CFAP61: variants seen among roughly 807,000 people sequenced by gnomAD.
CFAP61 encodes cilia- and flagella-associated protein 61.
CFAP61 carries 107 observed loss-of-function variants against 135.6 expected under a neutral mutation model. The observed-to-expected ratio is 0.79, with a 90% confidence interval of 0.67 to 0.93. The LOEUF (loss-of-function observed/expected upper bound fraction) is 0.93. CFAP61 is among the 40% of genes least tolerant of loss of function. The probability of loss-of-function intolerance (pLI) is 0.00; values close to 1 mark genes in which losing one functional copy is unlikely to be tolerated. For synonymous variants in CFAP61, 575 were observed against 578.5 expected (o/e 0.99, Z 0.09); for missense variants, 1,507 against 1,556.2 (o/e 0.97, Z 0.53).
intron 6 of CFAP61, among the ~76,000 whole-genome samples, chr20:20,086,437 G>A (rs2046810257): frequency 6.6e-6 from 1 of 150,550 alleles, no homozygotes; most frequent in East Asian, 2.0e-4. Flanking sequence ...TTGTCCTTGA[G>A]ATAGTTTGCT....
Position 20,196,557 on chromosome 20 carries a change from G to A in CFAP61, c.1591-13G>A. On this transcript the variant is annotated splice_polypyrimidine_tract_variant and intron_variant, in intron 15 of 26. Coordinates refer to ENST00000245957, the MANE Select transcript of CFAP61 (RefSeq NM_015585.4). ...AATGCTTGTAGAAACCATCCCTTCT[G>A]TCTCTTCTGTAGGACATTGAGTACA... is the stretch of plus-strand genomic sequence containing the variant. 1.3e-6 allele frequency: 2 copies of A among 1,592,070 alleles called. No individual in the cohort carries two copies. Among genetic ancestry groups the A allele is most frequent in the Non-Finnish European group, 1.7e-6 (2 of 1,160,052 alleles).
chr20:20,085,989 C>T (rs1319073636), intron 6 of CFAP61, among the ~76,000 whole-genome samples: 1 of 152,142 alleles, frequency 6.6e-6, no homozygotes, highest in Admixed American at 6.5e-5. Context: ...TGCCAAGGTT[C>T]TGAGGGCTCA....
At chr20:20,355,903 AGGT>A (rs1446617222) in intron 26 of CFAP61, among the ~76,000 whole-genome samples, 2 of 119,516 alleles carry the variant, frequency 1.7e-5, no homozygotes, top group African/African-American at 7.0e-5. Flanking sequence ...CTGTGAGGGG[AGGT>A]GGTCACACTG....
intron 25 of CFAP61, among the ~76,000 whole-genome samples, chr20:20,299,057 G>C (rs1233777187): frequency 6.6e-6 from 1 of 152,230 alleles, no homozygotes; most frequent in Admixed American, 6.5e-5. Flanking sequence ...CCCAGCACCA[G>C]AGACAGATGT....
At chr20:20,352,529 C>T (rs560287289) in intron 26 of CFAP61, among the ~76,000 whole-genome samples, 1 of 152,222 alleles carries the variant, frequency 6.6e-6, no homozygotes, top group Middle Eastern at 3.4e-3. Context: ...ATAAATAAAC[C>T]TACACATTTA....
At chr20:20,229,531 A>G (rs1396651825) in intron 18 of CFAP61, among the ~76,000 whole-genome samples, 1 of 152,158 alleles carries the variant, frequency 6.6e-6, no homozygotes, top group African/African-American at 2.4e-5. Context: ...TCTGGAAGCC[A>G]GCAGAGTTCT....
intron 8 of CFAP61, among the ~76,000 whole-genome samples, chr20:20,126,051 T>A (rs1026177278): frequency 1.3e-5 from 2 of 151,784 alleles, no homozygotes; most frequent in Non-Finnish European, 2.9e-5. Flanking sequence ...GCTTTTGGTG[T>A]CCATTTGCAT....
intron 8 of CFAP61, among the ~76,000 whole-genome samples, chr20:20,110,063 T>C (rs1028214824): frequency 1.3e-5 from 2 of 152,052 alleles, no homozygotes; most frequent in Middle Eastern, 3.2e-3. Flanking sequence ...TGCACTACCA[T>C]GCCTGGCTAA....
intron 17 of CFAP61, among the ~76,000 whole-genome samples, chr20:20,227,330 C>T (rs2048810415): frequency 1.3e-5 from 2 of 152,214 alleles, no homozygotes; most frequent in African/African-American, 2.4e-5. Flanking sequence ...TATCTTTCCA[C>T]TGACTTCTGG....
At chr20:20,267,341 C>G (rs1367940512) in intron 21 of CFAP61, among the ~76,000 whole-genome samples, 1 of 152,220 alleles carries the variant, frequency 6.6e-6, no homozygotes, top group Non-Finnish European at 1.5e-5. Context: ...GCCGCAAGCA[C>G]CCAGCCACGT....
intron 17 of CFAP61, chr20:20,220,075 A>G (rs2048297950): frequency 6.6e-6 from 1 of 152,444 alleles, no homozygotes; most frequent in Non-Finnish European, 1.5e-5. Context: ...GGTTGCCAGG[A>G]GAACCAACCA....
chr20:20,088,873 A>G (rs1600556830), intron 6 of CFAP61, among the ~76,000 whole-genome samples: 1 of 152,196 alleles, frequency 6.6e-6, no homozygotes, highest in South Asian at 2.1e-4. Context: ...AAAAACCAGC[A>G]TCATTTCAAC....
chr20:20,075,138 G>A (rs1397277433), intron 4 of CFAP61, 51 bp from the exon 5 acceptor site: 1 of 1,549,030 alleles, frequency 6.5e-7, no homozygotes, highest in Non-Finnish European at 8.9e-7. Context: ...AGTGCCAGCT[G>A]ATGGGATTGC....
intron 8 of CFAP61, among the ~76,000 whole-genome samples, chr20:20,118,253 G>GTTCCTTCCTTTCTTTCTTTC (rs1201152599): frequency 3.6e-5 from 5 of 138,610 alleles, no homozygotes; most frequent in South Asian, 2.4e-4. Flanking sequence ...TTTGAGGTAT[G>GTTCCTTCCTTTCTTTCTTTC]TTTCTTTCTT....
At chr20:20,233,725 T>C (rs921139775) in intron 18 of CFAP61, among the ~76,000 whole-genome samples, 2 of 152,204 alleles carry the variant, frequency 1.3e-5, no homozygotes, top group Non-Finnish European at 2.9e-5. Context: ...AATATTTAAA[T>C]GTAATTAATG....
In CFAP61 at chr20:20,351,511, G is replaced by A. The variant is rs368248819; in HGVS notation, c.3514-8699G>A. ...GCAGGAGAATCTCTTGAACCCAGGAGGCGGAGATTGCAGTGAGCCGAGATC... is the reference window on the plus strand; with the variant it reads ...GCAGGAGAATCTCTTGAACCCAGGAAGCGGAGATTGCAGTGAGCCGAGATC... On this transcript the variant is annotated intron_variant, in intron 26 of 26. Transcript: ENST00000245957. Among the ~76,000 whole-genome samples the A allele has an allele frequency of 3.8e-3, 580 of 152,022 alleles. 4 individuals carry two copies. Among genetic ancestry groups the A allele is most frequent in the African/African-American group, 0.013 (558 of 41,442 alleles).
intron 8 of CFAP61, 59 bp downstream of exon 8, chr20:20,098,873 C>A: frequency 6.9e-7 from 1 of 1,449,980 alleles, no homozygotes; most frequent in Non-Finnish European, 9.4e-7. Flanking sequence ...ATACACATTG[C>A]GCTCTTCGCT....
chr20:20,271,237 A>G (rs1252349358), intron 21 of CFAP61, among the ~76,000 whole-genome samples: 8 of 152,172 alleles, frequency 5.3e-5, no homozygotes, highest in African/African-American at 1.9e-4. Context: ...TTGAGACTGC[A>G]GTGAGCTATG....
intron 18 of CFAP61, among the ~76,000 whole-genome samples, chr20:20,239,046 A>G (rs1329229037): frequency 2.6e-5 from 4 of 152,114 alleles, no homozygotes; most frequent in Non-Finnish European, 5.9e-5. Flanking sequence ...CATTAAGCCA[A>G]CACCATTAGA....
Sources: gnomAD v4.1 joint callset for allele counts (sites outside exome capture counted in the v4.1 genomes callset) on GRCh38, gnomAD v4.1.1 for gene constraint, MANE v1.5 for transcripts, NCBI Gene and HGNC (gene_info 2026-07-23, HGNC 2026-07-21) for gene names.